Variants in WASHC5 observed in about 807,000 individuals in gnomAD.
WASHC5 encodes WASH complex subunit 5.
In WASHC5, 101 loss-of-function variants were observed where a neutral mutation model predicts 150.4. The observed-to-expected ratio is 0.67, with a 90% CI of 0.57 to 0.79. The LOEUF is 0.79. Among genes scored for constraint, WASHC5 ranks in the 30% least tolerant of loss-of-function variants. The pLI is 0.00. For missense variants in WASHC5, 1,195 were observed against 1,396.3 expected (o/e 0.86, Z 2.30); for synonymous variants, 467 against 491.2 (o/e 0.95, Z 0.65).
rs562957894 is a variant in WASHC5, at chr8:125,071,858, C to T, written c.1150+1295G>A. Among the ~76,000 whole-genome samples, 16 of 152,284 alleles carry T rather than the reference C, an allele frequency of 1.1e-4. No individual in the cohort carries two copies. In the South Asian group the frequency reaches 2.7e-3, roughly 26 times the overall value. On this transcript the variant is annotated intron_variant, in intron 9 of 28. Coordinates refer to ENST00000318410, the MANE Select transcript of WASHC5 (RefSeq NM_014846.4). ...TGGGCTAAAATCAAGGTGATGGCTG[C>T]GCTGGGCTCCTTCTGGACATTCTAG...
At chr8:125,065,452 C>G (rs962767056) in intron 10 of WASHC5, among the ~76,000 whole-genome samples, 4 of 151,960 alleles carry the variant, frequency 2.6e-5, no homozygotes, top group Non-Finnish European at 5.9e-5. Context: ...TCAATAGATT[C>G]CAGAGAACAG....
Position 125,059,504 on chromosome 8 carries a change from T to A in WASHC5, c.1560A>T (p.Val520=), listed in dbSNP as rs751216588. 1.9e-6 allele frequency: 3 copies of A among 1,613,760 alleles called. No homozygotes were observed. In the African/African-American group the frequency reaches 4.0e-5, roughly 22 times the overall value. ...TTCGAGTATCGGCAAGAAACTGACA[T>A]ACTTGCAGATTGGATTCCAACTGGT... ...EFHQLESNLQ[V]CQFLADTRKF... Residue 520 remains valine (V), a synonymous_variant, in exon 13 of 29, where the codon GTA becomes GTT. Coordinates refer to ENST00000318410, the MANE Select transcript of WASHC5 (RefSeq NM_014846.4).
intron 7 of WASHC5, among the ~76,000 whole-genome samples, chr8:125,075,365 T>C (rs557556542): frequency 1.3e-5 from 2 of 152,306 alleles, no homozygotes; most frequent in East Asian, 3.9e-4. Context: ...TATTGTGTAA[T>C]ATTAATGTTT....
intron 26 of WASHC5, among the ~76,000 whole-genome samples, chr8:125,033,492 T>C (rs1256823200): frequency 1.3e-5 from 2 of 151,668 alleles, no homozygotes; most frequent in East Asian, 3.8e-4. Context: ...AAGCAAAGAC[T>C]ACAGAACTGT....
intron 28 of WASHC5, among the ~76,000 whole-genome samples, chr8:125,027,157 C>A (rs1815398960): frequency 6.6e-6 from 1 of 152,078 alleles, no homozygotes; most frequent in Non-Finnish European, 1.5e-5. Flanking sequence ...GTATTTCATA[C>A]ATTTATTCTG....
At chr8:125,087,550 C>T (rs765172542) in intron 1 of WASHC5, among the ~76,000 whole-genome samples, 3 of 151,860 alleles carry the variant, frequency 2.0e-5, no homozygotes, top group Admixed American at 6.6e-5. Context: ...GCAACAATAG[C>T]GAGACCTTGT....
At chr8:125,073,036 C>A in intron 9 of WASHC5, 117 bp downstream of exon 9, 3 of 1,116,248 alleles carry the variant, frequency 2.7e-6, no homozygotes, top group Non-Finnish European at 4.1e-6. Context: ...TAAAAAGCAA[C>A]TTGATTCTCA....
At position 125,039,888 on chromosome 8, in the gene WASHC5, A is replaced by T; in HGVS notation, c.2861T>A (p.Met954Lys). 3 of 1,612,686 alleles carry T rather than the reference A, an allele frequency of 1.9e-6. No individual in the cohort carries two copies. The highest frequency in any genetic ancestry group is 2.5e-6 in the Non-Finnish European group (3 of 1,178,994). Residue 954 changes from methionine to lysine, a missense_variant, in exon 24 of 29, where the codon ATG (methionine) becomes AAG (lysine). This residue lies in a region of WASHC5 where 997 missense variants were observed against 1,168.1 expected (regional missense o/e 0.85). Coordinates refer to ENST00000318410, the MANE Select transcript of WASHC5 (RefSeq NM_014846.4). The part of the protein sequence containing the change: ...YLEAIMKVGQ[M>K]QILRQQIANE... ...GGCAATCTGTTGTCTCAGAATCTGCATCTGCCCAACCTGTGCACAAGCAAG... is the reference window on the plus strand; with the variant it reads ...GGCAATCTGTTGTCTCAGAATCTGCTTCTGCCCAACCTGTGCACAAGCAAG...
At chr8:125,063,423 A>G in intron 11 of WASHC5, 99 bp downstream of exon 11, 1 of 1,267,918 alleles carries the variant, frequency 7.9e-7, no homozygotes, top group Middle Eastern at 1.9e-4. Flanking sequence ...AGGATACAAT[A>G]ATGAGAACAT....
intron 8 of WASHC5, among the ~76,000 whole-genome samples, chr8:125,074,285 T>A (rs943793234): frequency 7.2e-5 from 11 of 152,248 alleles, no homozygotes; most frequent in Non-Finnish European, 1.6e-4. Context: ...CTAGGAGATG[T>A]GCCAACATTG....
rs531315172 is a variant in WASHC5 at position 125,082,954 on chromosome 8, A to C, written c.332+159T>G. On this transcript the variant is annotated intron_variant, in intron 3 of 28. Transcript: ENST00000318410. ...ATTATAGTAAAACTTCAAAATTCTT[A>C]AGATGACCAGTGCCACAGGTAGGAA... is the stretch of plus-strand genomic sequence containing the variant. The C allele has an allele frequency of 3.2e-5, 18 of 560,092 alleles. No individual in the cohort carries two copies. In the Admixed American group the frequency reaches 6.2e-4, roughly 19 times the overall value. 34.7% of individuals were successfully genotyped at this position (560,092 alleles called of 1,614,324 possible).
chr8:125,073,399 A>C, intron 8 of WASHC5, 75 bp from the exon 9 acceptor site: 1 of 1,222,566 alleles, frequency 8.2e-7, no homozygotes, highest in Non-Finnish European at 1.2e-6. Flanking sequence ...AAATGAATTC[A>C]CTGACAAATA....
intron 28 of WASHC5, among the ~76,000 whole-genome samples, chr8:125,027,922 A>G (rs960642195): frequency 2.0e-5 from 3 of 152,242 alleles, no homozygotes; most frequent in Admixed American, 2.0e-4. Context: ...ACACTGTGAC[A>G]GTCCTGGCTT....
At position 125,082,563 on chromosome 8, in the gene WASHC5, A is replaced by G. The variant is rs1817295375; in HGVS notation, c.333-96T>C. 9.0e-6 allele frequency: 7 copies of G among 778,350 alleles called. No homozygotes were observed. The South Asian group carries it at 1.1e-4, about 12-fold the overall frequency. The allele number at this position is 778,350 out of a possible 1,614,324, so 48.2% of individuals were successfully genotyped here. ...TTTTTAAAAGATAAGGCAGGATGCCAGGCATTCTGGCCTTCCACTAGTTCA... is the reference window on the plus strand; with the variant it reads ...TTTTTAAAAGATAAGGCAGGATGCCGGGCATTCTGGCCTTCCACTAGTTCA... On this transcript the variant is annotated intron_variant, in intron 3 of 28. Coordinates refer to ENST00000318410, the MANE Select transcript of WASHC5 (RefSeq NM_014846.4).
Position 125,083,113 on chromosome 8 carries a change from C to G in WASHC5, c.332G>C (p.Arg111Thr). The G allele has an allele frequency of 6.6e-7, 1 of 1,503,940 alleles. No homozygotes were observed. Among genetic ancestry groups the G allele is most frequent in the Middle Eastern group, 1.7e-4 (1 of 5,830 alleles). 93.2% of individuals were successfully genotyped at this position (1,503,940 alleles called of 1,614,324 possible). The change falls in exon 3 of 29, where the codon AGA (arginine) becomes ACA (threonine). Residue 111 changes from arginine to threonine, a missense_variant and splice_region_variant. Physicochemically the swap from Arg to Thr is moderately conservative, Grantham distance 71. Around this residue, in one of 3 missense-constraint regions of WASHC5, gnomAD observed 195 missense variants for 206.9 expected, o/e 0.94. Coordinates refer to ENST00000318410, the MANE Select transcript of WASHC5 (RefSeq NM_014846.4). ...AAGCTATTCCTAAATAGATCAATAC[C>G]TGTTTAAGTCTACAATATATTTATG... ...SVHKYIVDLN[R>T]YLDDLNEGVY...
At chr8:125,089,587 G>A (rs144041461) in intron 1 of WASHC5, among the ~76,000 whole-genome samples, 1 of 152,188 alleles carries the variant, frequency 6.6e-6, no homozygotes, top group African/African-American at 2.4e-5. Context: ...GGGATACCAT[G>A]ACAGGGCAAC....
At position 125,083,172 on chromosome 8, in the gene WASHC5, A is replaced by C; in HGVS notation, c.273T>G (p.Ile91Met). 5 of 1,597,740 alleles carry C rather than the reference A, an allele frequency of 3.1e-6. No individual in the cohort carries two copies. The highest frequency in any genetic ancestry group is 3.4e-6 in the Non-Finnish European group (4 of 1,165,610). ...DEEFRENNIEIVTRFYLAFQS... is the reference protein window; with the variant it reads ...DEEFRENNIEMVTRFYLAFQS... ...GAAATGCTAAATAAAATCTGGTCAC[A>C]ATTTCTATGTTGTTTTCACGAAATT... The change falls in exon 3 of 29, where the codon ATT becomes ATG. Residue 91 changes from isoleucine to methionine, a missense_variant. By Grantham distance (10) the Ile-to-Met change is conservative. Transcript: ENST00000318410.
intron 23 of WASHC5, among the ~76,000 whole-genome samples, chr8:125,043,400 G>C (rs956336639): frequency 2.0e-5 from 3 of 152,206 alleles, no homozygotes; most frequent in African/African-American, 7.2e-5. Context: ...ATGCCCCAAA[G>C]AACCTGGCTT....
At chr8:125,069,008 C>T (rs896274347) in intron 9 of WASHC5, among the ~76,000 whole-genome samples, 2 of 152,226 alleles carry the variant, frequency 1.3e-5, no homozygotes, top group African/African-American at 4.8e-5. Flanking sequence ...CAAGGCAAAG[C>T]TACTGCTGCG....
Sources: allele counts gnomAD v4.1 joint callset (sites outside exome capture counted in the v4.1 genomes callset), GRCh38; gene constraint gnomAD v4.1.1; regional missense constraint gnomAD v4.1.1; transcripts MANE v1.5; gene names NCBI Gene and HGNC (gene_info 2026-07-23, HGNC 2026-07-21).